Variants in FTCD observed in about 807,000 individuals in gnomAD.
FTCD encodes the protein formimidoyltransferase cyclodeaminase.
Under a neutral mutation model 62.9 loss-of-function variants are expected in FTCD, and 76 were observed. The observed-to-expected ratio is 1.21, with a 90% confidence interval of 1.00 to 1.46. The LOEUF is 1.46. Ranked by LOEUF, FTCD falls within the 40% of genes most tolerant of loss-of-function variation. The pLI is 0.00. For missense variants in FTCD, 845 were observed against 751.3 expected (o/e 1.12, Z -1.46); for synonymous variants, 397 against 336.9 (o/e 1.18, Z -1.95).
In FTCD at chr21:46,154,258, G is replaced by A. The variant is rs774812132; in HGVS notation, c.129C>T (p.Ser43=). Residue 43 remains serine (S), a synonymous_variant, in exon 2 of 14, where the codon TCC becomes TCT. Transcript: ENST00000397746. ...CGAAGGTGTACACGGTGCGGTTGGT[G>A]GAAGGGCCTGCGTCCACATCCAGCA... ...CVLLDVDAGP[S]TNRTVYTFVG... is the part of the protein sequence containing the mutation. 198 of 1,612,578 alleles carry A rather than the reference G, an allele frequency of 1.2e-4. 1 individual carries two copies. The highest frequency in any genetic ancestry group is 2.5e-5 in the Non-Finnish European group (29 of 1,179,956).
At position 46,150,251 on chromosome 21, in the gene FTCD, C is replaced by G; in HGVS notation, c.775-1G>C. On this transcript the variant is annotated splice_acceptor_variant, in intron 6 of 13. Transcript: ENST00000397746. LOFTEE classifies it high-confidence loss of function. ...AGCCCACCACTGGGAGGCTCAGCTC[C>G]TGCCAAGGCACAGGCAGCGTCACCC... 2 of 1,609,380 alleles carry G rather than the reference C, an allele frequency of 1.2e-6. No individual in the cohort carries two copies. Among genetic ancestry groups the G allele is most frequent in the Non-Finnish European group, 1.7e-6 (2 of 1,178,412 alleles).
chr21:46,151,871 G>A lies in FTCD; in HGVS notation c.456+21C>T, dbSNP rs150414135. ...GCAGGTCCACCTCCTTCCCAGGCCC[G>A]ACCGCCCGGGGTGGGGGCACCTTCT... On this transcript the variant is annotated intron_variant, in intron 4 of 13. Coordinates refer to ENST00000397746, the MANE Select transcript of FTCD (RefSeq NM_206965.2). The A allele has an allele frequency of 2.0e-3, 3,133 of 1,553,658 alleles. 55 individuals are homozygous for A. In the African/African-American group the frequency reaches 0.038, roughly 19 times the overall value.
At chr21:46,139,384 C>G (rs1409787952) in intron 10 of FTCD, among the ~76,000 whole-genome samples, 2 of 152,184 alleles carry the variant, frequency 1.3e-5, no homozygotes, top group African/African-American at 4.8e-5. Context: ...AGGCACTGGC[C>G]TTTCCTAGGT....
At position 46,138,614 on chromosome 21, in the gene FTCD, C is replaced by T. The variant is rs79021510; in HGVS notation, c.1337G>A (p.Arg446Gln). 9.0e-4 allele frequency: 1,431 copies of T among 1,593,162 alleles called. 21 individuals carry two copies. In the East Asian group the frequency reaches 0.025, roughly 27 times the overall value. ...CAGCGTCAGCGGCACAGAGACTGCC[C>T]GCCTCAGACCCTCCTGTAGGGCCGC... ...RTAALQEGLR[R>Q]AVSVPLTLAE... The change falls in exon 12 of 14, where the codon CGG becomes CAG. Residue 446 changes from arginine to glutamine, a missense_variant. Physicochemically the swap from Arg to Gln is conservative, Grantham distance 43 (BLOSUM62 1). Transcript: ENST00000397746.
chr21:46,145,582 C>A lies in FTCD; in HGVS notation c.1099-4G>T. 3 of 1,532,188 alleles carry A rather than the reference C, an allele frequency of 2.0e-6. No homozygotes were observed. The highest frequency in any genetic ancestry group is 2.6e-6 in the Non-Finnish European group (3 of 1,136,934). 94.9% of individuals were successfully genotyped at this position (1,532,188 alleles called of 1,614,324 possible). A position where few individuals can be genotyped will look rare whatever the true frequency, so the allele number is the denominator to read the frequency against. On this transcript the variant is annotated splice_polypyrimidine_tract_variant and splice_region_variant and intron_variant, in intron 9 of 13. Coordinates refer to ENST00000397746, the MANE Select transcript of FTCD (RefSeq NM_206965.2). ...CCATGGAGCCCAGCGCCGCACCCTG[C>A]GAGAGGGGTGGATGTGGGGGTCGCA...
At chr21:46,142,536 C>G (rs943940733) in intron 10 of FTCD, 1 of 152,308 alleles carries the variant, frequency 6.6e-6, no homozygotes, top group African/African-American at 2.4e-5. Context: ...GTTAGCTCCT[C>G]CCGGTGGGTT....
intron 1 of FTCD, 124 bp from the exon 2 acceptor site, chr21:46,154,456 C>T (rs2079382788): frequency 2.5e-6 from 3 of 1,207,466 alleles, no homozygotes; most frequent in Non-Finnish European, 3.5e-6. Context: ...CCTTTGGGGG[C>T]TCTCCGACAA....
In FTCD at chr21:46,145,853, CG is replaced by C. The variant is rs2123531127; in HGVS notation, c.1062del (p.Gly356AlafsTer22). The C allele has an allele frequency of 1.8e-5, 25 of 1,377,732 alleles. No individual in the cohort carries two copies. The highest frequency in any genetic ancestry group is 3.1e-5 in the East Asian group (1 of 32,606). 85.3% of individuals were successfully genotyped at this position (1,377,732 alleles called of 1,614,324 possible). ...GCGGCCGCCGCCACCGAGCCGCCCC[CG>C]GGGGCCGCAGAGCGGGCACCCACCT... is the stretch of plus-strand genomic sequence containing the variant. ...VGEVGARSAA[P>X]GGGSVAAAAA... is the part of the protein sequence containing the mutation. On this transcript the variant is annotated frameshift_variant, in exon 9 of 14. Coordinates refer to ENST00000397746, the MANE Select transcript of FTCD (RefSeq NM_206965.2). LOFTEE classifies it high-confidence loss of function.
At chr21:46,139,126 C>T (rs1332252847) in intron 10 of FTCD, 2 of 616,432 alleles carry the variant, frequency 3.2e-6, no homozygotes, top group Admixed American at 5.1e-5. Flanking sequence ...TCGGGGCACA[C>T]AGCAGATGGT....
chr21:46,150,315 G>A (rs2079236719), intron 6 of FTCD, 65 bp from the exon 7 acceptor site: 4 of 1,609,628 alleles, frequency 2.5e-6, no homozygotes, highest in Non-Finnish European at 3.4e-6. Context: ...GCTGGAGGAT[G>A]TGGGGCCCCC....
Position 46,137,223 on chromosome 21 carries a change from C to G in FTCD, c.1539+16G>C. On this transcript the variant is annotated intron_variant, in intron 13 of 13. Transcript: ENST00000397746. ...CCCCACGTGGGGTCCGGGCACCACACCTGCCTCCTGCTCACCTGGTCCTTA... is the reference window on the plus strand; with the variant it reads ...CCCCACGTGGGGTCCGGGCACCACAGCTGCCTCCTGCTCACCTGGTCCTTA... 6.2e-7 allele frequency: 1 copy of G among 1,602,164 alleles called. No homozygotes were observed. Among genetic ancestry groups the G allele is most frequent in the Non-Finnish European group, 8.6e-7 (1 of 1,169,368 alleles).
Position 46,137,031 on chromosome 21 carries a change from G to A in FTCD, c.1582C>T (p.Gln528Ter), listed in dbSNP as rs375698835. ...VSSLLQEAKT[Q>*]AALVLDCLET... ...AAGCAGTCCAGCACCAGTGCAGCCT[G>A]GGTCTTGGCTTCCTGCAGGAGGCTG... The change falls in exon 14 of 14, where the codon CAG becomes TAG. Residue 528 changes from glutamine to a stop codon, truncating the protein, a stop_gained. Transcript: ENST00000397746. LOFTEE classifies it high-confidence loss of function. 3 of 1,613,540 alleles carry A rather than the reference G, an allele frequency of 1.9e-6. No individual in the cohort carries two copies. Among genetic ancestry groups the A allele is most frequent in the Non-Finnish European group, 2.5e-6 (3 of 1,179,994 alleles).
At position 46,136,857 on chromosome 21, in the gene FTCD, T is replaced by C. The variant is rs766759139; in HGVS notation, c.*130A>G. On this transcript the variant is annotated 3_prime_UTR_variant, in exon 14 of 14. Coordinates refer to ENST00000397746, the MANE Select transcript of FTCD (RefSeq NM_206965.2). ...TGCCAGCGCCTCCATTCCCAGGCGA[T>C]GCCCCGCTGCCTGCCCACCTACCCT... 2.6e-6 allele frequency: 4 copies of C among 1,555,034 alleles called. No homozygotes were observed. In the South Asian group the frequency reaches 4.7e-5, roughly 18 times the overall value.
In FTCD at chr21:46,153,025, G is replaced by T. The variant is rs773177344; in HGVS notation, c.249C>A (p.Pro83=). 19 of 1,549,124 alleles carry T rather than the reference G, an allele frequency of 1.2e-5. No homozygotes were observed. The South Asian group carries it at 1.5e-4, about 13-fold the overall frequency. ...GGCAGACGTCTAGGGCCCCCATGCG[G>T]GGGTGCTCTCCTGCAGAGAGACGGC... ...IDMSRHQGEH[P]RMGALDVCPF... is the part of the protein sequence containing the mutation. The change falls in exon 3 of 14, where the codon CCC becomes CCA. Residue 83 remains proline (P), a synonymous_variant. Coordinates refer to ENST00000397746, the MANE Select transcript of FTCD (RefSeq NM_206965.2).
At chr21:46,147,730 A>G (rs1017226311) in intron 7 of FTCD, among the ~76,000 whole-genome samples, 5 of 151,588 alleles carry the variant, frequency 3.3e-5, no homozygotes, top group Non-Finnish European at 7.4e-5. Flanking sequence ...CGAGGTCAGG[A>G]GTTCAAGACC....
chr21:46,147,011 G>T (rs948335050), intron 7 of FTCD: 2 of 152,478 alleles, frequency 1.3e-5, no homozygotes, highest in Non-Finnish European at 2.9e-5. Context: ...CATTTTAAAG[G>T]CCTGGCTAAG....
intron 13 of FTCD, 31 bp from the exon 14 acceptor site, chr21:46,137,104 A>G: frequency 6.2e-7 from 1 of 1,613,376 alleles, no homozygotes; most frequent in Non-Finnish European, 8.5e-7. Flanking sequence ...GGGGTCTGGT[A>G]GTTCCAGTCT....
In FTCD at chr21:46,137,027, G is replaced by A. The variant is rs1390740944; in HGVS notation, c.1586C>T (p.Ala529Val). The A allele has an allele frequency of 3.7e-6, 6 of 1,613,638 alleles. No individual in the cohort carries two copies. Among genetic ancestry groups the A allele is most frequent in the Admixed American group, 3.3e-5 (2 of 60,032 alleles). The change falls in exon 14 of 14, where the codon GCT becomes GTT. Residue 529 changes from alanine (A) to valine (V), a missense_variant. By Grantham distance (64) the Ala-to-Val change is moderately conservative. Transcript: ENST00000397746. ...SSLLQEAKTQ[A>V]ALVLDCLETR... Reference sequence around the variant, plus strand: ...CTCCAAGCAGTCCAGCACCAGTGCAGCCTGGGTCTTGGCTTCCTGCAGGAG... The same window carrying A: ...CTCCAAGCAGTCCAGCACCAGTGCAACCTGGGTCTTGGCTTCCTGCAGGAG...
At chr21:46,150,825 G>A (rs1473546385) in intron 5 of FTCD, among the ~76,000 whole-genome samples, 1 of 152,224 alleles carries the variant, frequency 6.6e-6, no homozygotes, top group Non-Finnish European at 1.5e-5. Flanking sequence ...GAATGCTGAG[G>A]GGTGGGGCCC....
Sources: gnomAD v4.1 joint callset for allele counts (sites outside exome capture counted in the v4.1 genomes callset) on GRCh38, gnomAD v4.1.1 for gene constraint, MANE v1.5 for transcripts, NCBI Gene and HGNC (gene_info 2026-07-23, HGNC 2026-07-21) for gene names.